Variants in DIDO1 observed in about 807,000 individuals in gnomAD.
DIDO1 encodes death inducer-obliterator 1.
Under a neutral mutation model 99.4 loss-of-function variants are expected in DIDO1, and 16 were observed. That is an observed-to-expected ratio of 0.16 (90% confidence interval 0.11 to 0.24). The LOEUF (loss-of-function observed/expected upper bound fraction) is 0.24, where lower values mean the gene tolerates loss of function less well. DIDO1 is among the 10% of genes least tolerant of loss of function. The probability of loss-of-function intolerance (pLI) is 1.00; values close to 1 mark genes in which losing one functional copy is unlikely to be tolerated. For missense variants in DIDO1, 2,996 were observed against 3,014.0 expected, an observed-to-expected ratio of 0.99 and a Z score of 0.14; for synonymous variants, 1,366 against 1,239.1, an observed-to-expected ratio of 1.10 and a Z score of -2.15.
chr20:62,914,073 A>G lies in DIDO1; in HGVS notation c.-3+137T>C, dbSNP rs188511239. On this transcript the variant is annotated intron_variant, in intron 2 of 15. Coordinates refer to ENST00000395343, the MANE Select transcript of DIDO1 (RefSeq NM_001193369.2). The stretch of plus-strand genomic sequence containing the variant: ...CTGCTGCTATAGAGACTGCTGATAC[A>G]AATGGCTGAATGTATTTCAAATGAA... 5.2e-5 allele frequency: 8 copies of G among 152,386 alleles called. No homozygotes were observed. The East Asian group carries it at 1.5e-3, about 29-fold the overall frequency. The allele number at this position is 152,386 out of a possible 1,614,324, so 9.4% of individuals were successfully genotyped here. A position where few individuals can be genotyped will look rare whatever the true frequency, so the allele number is the denominator to read the frequency against.
rs1404360242 is a variant in DIDO1, at chr20:62,894,368, A to G, written c.2572+45T>C. On this transcript the variant is annotated intron_variant, in intron 11 of 15. Transcript: ENST00000395343. The surrounding 1 kb of genome is among the most constrained non-coding windows in gnomAD (Gnocchi z 4.4). The stretch of plus-strand genomic sequence containing the variant: ...GGTTCAGTGATTTTTAACAAAATCA[A>G]GTTTAGTCTCAGCTCCAAGGCTCCA... The G allele has an allele frequency of 1.3e-6, 2 of 1,596,726 alleles. No individual in the cohort carries two copies. The highest frequency in any genetic ancestry group is 1.7e-6 in the Non-Finnish European group (2 of 1,172,662).
chr20:62,937,282 C>CA (rs2065399377), intron 1 of DIDO1, among the ~76,000 whole-genome samples: 1 of 152,264 alleles, frequency 6.6e-6, no homozygotes, highest in African/African-American at 2.4e-5. Context: ...CCTGCAATGA[C>CA]AGACTTCGCA....
chr20:62,891,858 C>T (rs766415303), intron 14 of DIDO1, 129 bp downstream of exon 14: 8 of 749,288 alleles, frequency 1.1e-5, no homozygotes, highest in Non-Finnish European at 1.5e-5. Context: ...TAACATTCAC[C>T]TGGAAATATC....
intron 1 of DIDO1, among the ~76,000 whole-genome samples, chr20:62,936,111 C>T (rs2065380601): frequency 6.6e-6 from 1 of 152,224 alleles, no homozygotes; most frequent in Non-Finnish European, 1.5e-5. Context: ...TCCCCTTGCA[C>T]ACTTTCTCCT....
Position 62,896,973 on chromosome 20 carries a change from C to G in DIDO1, c.1612G>C (p.Glu538Gln). ...YKSTKEDRRS[E>Q]EKAAAMAASK... ...GCTGCCATGGCTGCCGCTTTCTCCT[C>G]GGACCTCCTGTCTTCCTTCGTGGCT... The change falls in exon 7 of 16, where the codon GAG (glutamate) becomes CAG (glutamine). Residue 538 changes from glutamate to glutamine, a missense_variant. Glu to Gln is a conservative substitution (Grantham distance 29). Around this residue, in one of 5 missense-constraint regions of DIDO1, gnomAD observed 898 missense variants for 972.7 expected, o/e 0.92. Transcript: ENST00000395343. The surrounding 1 kb of genome is among the most constrained non-coding windows in gnomAD (Gnocchi z 4.4). The G allele has an allele frequency of 4.3e-6, 7 of 1,613,168 alleles. No individual in the cohort carries two copies. The highest frequency in any genetic ancestry group is 1.3e-5 in the African/African-American group (1 of 74,944).
chr20:62,935,392 A>G (rs913635214), intron 1 of DIDO1, among the ~76,000 whole-genome samples: 3 of 152,222 alleles, frequency 2.0e-5, no homozygotes, highest in Non-Finnish European at 4.4e-5. Context: ...GAAGCTTACC[A>G]TTTTATGCTG....
Position 62,880,623 on chromosome 20 carries a change from G to A in DIDO1, c.5333C>T (p.Ala1778Val), listed in dbSNP as rs1347806476. ...GPNFPGPRGP[A>V]PPFPEENIAS... The stretch of plus-strand genomic sequence containing the variant: ...GATATTCTCTTCTGGAAACGGAGGG[G>A]CTGGCCCCCTTGGTCCCGGGAAATT... The change falls in exon 16 of 16, where the codon GCC (alanine) becomes GTC (valine). Residue 1778 changes from alanine to valine, a missense_variant. Physicochemically the swap from Ala to Val is moderately conservative, Grantham distance 64. Around this residue, in one of 5 missense-constraint regions of DIDO1, gnomAD observed 1,562 missense variants for 1,412.6 expected, o/e 1.11. Coordinates refer to ENST00000395343, the MANE Select transcript of DIDO1 (RefSeq NM_001193369.2). 6.2e-7 allele frequency: 1 copy of A among 1,612,916 alleles called. No individual in the cohort carries two copies. Among genetic ancestry groups the A allele is most frequent in the Non-Finnish European group, 8.5e-7 (1 of 1,180,020 alleles).
chr20:62,909,632 A>T (rs2064883758), intron 4 of DIDO1, 67 bp downstream of exon 4: 1 of 1,572,588 alleles, frequency 6.4e-7, no homozygotes, highest in Non-Finnish European at 8.7e-7. Flanking sequence ...AGGAATTTCT[A>T]TCTAGAGCGA....
At chr20:62,887,890 A>T in intron 15 of DIDO1, 2 of 985,456 alleles carry the variant, frequency 2.0e-6, no homozygotes, top group Non-Finnish European at 2.4e-6. Context: ...CGTGATGCTG[A>T]GTTACAGAGA....
At chr20:62,912,055 A>G (rs1197659150) in intron 2 of DIDO1, among the ~76,000 whole-genome samples, 1 of 152,218 alleles carries the variant, frequency 6.6e-6, no homozygotes, top group Non-Finnish European at 1.5e-5. Flanking sequence ...CACAGTGAAC[A>G]AGACGCTGTG....
At position 62,894,720 on chromosome 20, in the gene DIDO1, C is replaced by T. The variant is rs1386644154; in HGVS notation, c.2436+90G>A. 1.1e-5 allele frequency: 16 copies of T among 1,433,038 alleles called. No homozygotes were observed. The highest frequency in any genetic ancestry group is 2.8e-6 in the Non-Finnish European group (3 of 1,064,632). The allele number at this position is 1,433,038 out of a possible 1,614,324, so 88.8% of individuals were successfully genotyped here. On this transcript the variant is annotated intron_variant, in intron 10 of 15. Coordinates refer to ENST00000395343, the MANE Select transcript of DIDO1 (RefSeq NM_001193369.2). This position sits in a 1 kb window ranked among gnomAD's most constrained non-coding sequence, Gnocchi z 4.4. ...CAATGACATACACCTGCTGTAAGCT[C>T]AGGTCCTGCCCAATAATTTAAGATA...
intron 5 of DIDO1, among the ~76,000 whole-genome samples, chr20:62,906,917 C>G (rs2064819293): frequency 6.6e-6 from 1 of 152,252 alleles, no homozygotes; most frequent in African/African-American, 2.4e-5. Context: ...GCCCCCCGTA[C>G]ACTGCCATTG....
At chr20:62,901,528 C>T (rs1415366012) in intron 6 of DIDO1, among the ~76,000 whole-genome samples, 1 of 147,366 alleles carries the variant, frequency 6.8e-6, no homozygotes, top group Non-Finnish European at 1.5e-5. Flanking sequence ...CTTAAACCAA[C>T]ATGTTAGGGG....
chr20:62,910,434 T>C (rs755439644), intron 3 of DIDO1, among the ~76,000 whole-genome samples: 5 of 152,216 alleles, frequency 3.3e-5, no homozygotes, highest in Admixed American at 6.5e-5. Context: ...AGGGGCAGTC[T>C]AGAGGAGCAG....
upstream of DIDO1, among the ~76,000 whole-genome samples, chr20:62,931,500 A>G (rs1430506859): frequency 6.6e-6 from 1 of 152,260 alleles, no homozygotes; most frequent in Non-Finnish European, 1.5e-5. Flanking sequence ...AAACGCTTGG[A>G]CAGATTCTGA....
chr20:62,881,990 A>G lies in DIDO1; in HGVS notation c.3966T>C (p.Phe1322=). ...ACGGGTCGAATGATTTCTTCTTTCC[A>G]AAGAGAGTCTGCAGGATGTGCTCCA... ...SPLEHILQTL[F]GKKKSFDPSA... The change falls in exon 16 of 16, where the codon TTT becomes TTC. Residue 1322 remains phenylalanine (F), a synonymous_variant. Transcript: ENST00000395343. This position sits in a 1 kb window ranked among gnomAD's most constrained non-coding sequence, Gnocchi z 8.3. The G allele has an allele frequency of 2.5e-6, 4 of 1,613,488 alleles. No homozygotes were observed. Among genetic ancestry groups the G allele is most frequent in the Non-Finnish European group, 8.5e-7 (1 of 1,180,014 alleles).
At chr20:62,891,341 A>G (rs2064393775) in intron 14 of DIDO1, among the ~76,000 whole-genome samples, 186 bp from the exon 15 acceptor site, 1 of 152,204 alleles carries the variant, frequency 6.6e-6, no homozygotes, top group Admixed American at 6.5e-5. Context: ...TCTGGAGCCG[A>G]GCCGGCTCTT....
upstream of DIDO1, among the ~76,000 whole-genome samples, chr20:62,930,589 T>G (rs1421974942): frequency 6.6e-6 from 1 of 152,138 alleles, no homozygotes; most frequent in Non-Finnish European, 1.5e-5. Flanking sequence ...AGAATAAATG[T>G]GAAATAGGAA....
chr20:62,937,150 GA>G (rs1056350734), intron 1 of DIDO1, among the ~76,000 whole-genome samples: 14 of 152,356 alleles, frequency 9.2e-5, no homozygotes, highest in African/African-American at 3.4e-4. Flanking sequence ...CCTGACTTCA[GA>G]AAGAAGCCGT....
Sources: gnomAD v4.1 joint callset for allele counts (sites outside exome capture counted in the v4.1 genomes callset) on GRCh38, gnomAD v4.1.1 for gene constraint, gnomAD v4.1.1 regional missense constraint, Gnocchi (gnomAD v3.1) non-coding constraint, MANE v1.5 for transcripts, NCBI Gene and HGNC (gene_info 2026-07-23, HGNC 2026-07-21) for gene names.